Variants in NFATC4 observed in about 807,000 individuals in gnomAD.
The protein encoded by NFATC4 is nuclear factor of activated T-cells, cytoplasmic 4.
NFATC4 carries 25 observed loss-of-function variants against 73.4 expected under a neutral mutation model. That is an observed-to-expected ratio of 0.34 (90% CI 0.25 to 0.48). The LOEUF (loss-of-function observed/expected upper bound fraction) is 0.48, where lower values mean the gene tolerates loss of function less well. NFATC4 is among the 20% of genes least tolerant of loss of function. The probability of loss-of-function intolerance (pLI) is 0.99; values close to 1 mark genes in which losing one functional copy is unlikely to be tolerated. For missense variants in NFATC4, 1,130 were observed against 1,203.7 expected, an observed-to-expected ratio of 0.94 and a Z score of 0.91; for synonymous variants, 523 against 510.3, an observed-to-expected ratio of 1.02 and a Z score of -0.34.
Position 24,368,345 on chromosome 14 carries a change from G to A in NFATC4, c.5G>A (p.Gly2Glu). M[G>E]AASCEDEELE... The stretch of plus-strand genomic sequence containing the variant: ...CTGGGGGCTCCTGCCGGATCCATGG[G>A]GGCGGCCAGCTGCGAGGATGAGGAG... The change falls in exon 1 of 10, where the codon GGG becomes GAG. Residue 2 changes from glycine to glutamate, a missense_variant. By Grantham distance (98) the Gly-to-Glu change is moderately conservative. Transcript: ENST00000250373. 7.2e-7 allele frequency: 1 copy of A among 1,388,248 alleles called. No individual in the cohort carries two copies. Among genetic ancestry groups the A allele is most frequent in the Non-Finnish European group, 9.3e-7 (1 of 1,072,378 alleles). 86.0% of individuals were successfully genotyped at this position (1,388,248 alleles called of 1,614,324 possible).
Position 24,369,902 on chromosome 14 carries a change from C to T in NFATC4, c.504C>T (p.Ser168=). 1.2e-6 allele frequency: 2 copies of T among 1,612,250 alleles called. No individual in the cohort carries two copies. The highest frequency in any genetic ancestry group is 1.7e-6 in the Non-Finnish European group (2 of 1,179,642). ...GCCAGGGTGGGGGGGCCTTCTTCAG[C>T]CCAAGCCCTGGCAGCAGCAGCCTGT... is the stretch of plus-strand genomic sequence containing the variant. ...AGGQGGGAFF[S]PSPGSSSLSS... is the part of the protein sequence containing the mutation. The change falls in exon 2 of 10, where the codon AGC becomes AGT. Residue 168 remains serine (S), a synonymous_variant. Coordinates refer to ENST00000250373, the MANE Select transcript of NFATC4 (RefSeq NM_004554.5).
At position 24,373,726 on chromosome 14, in the gene NFATC4, A is replaced by G. The variant is rs1407667258; in HGVS notation, c.1591A>G (p.Asn531Asp). 9 of 1,612,622 alleles carry G rather than the reference A, an allele frequency of 5.6e-6. No homozygotes were observed. The highest frequency in any genetic ancestry group is 7.6e-6 in the Non-Finnish European group (9 of 1,178,850). Residue 531 changes from asparagine to aspartate, a missense_variant, in exon 5 of 10, where the codon AAT becomes GAT. Asn to Asp is a conservative substitution (Grantham distance 23). Coordinates refer to ENST00000250373, the MANE Select transcript of NFATC4 (RefSeq NM_004554.5). This position sits in a 1 kb window ranked among gnomAD's most constrained non-coding sequence, Gnocchi z 4.7. ...IDCAGILKLR[N>D]SDIELRKGET... ...CTGCGCGGGAATCCTGAAGCTTCGG[A>G]ATTCAGACATTGAGCTTCGGAAGGG...
chr14:24,367,894 G>A (rs879256364), upstream of NFATC4: 31 of 1,333,860 alleles, frequency 2.3e-5, no homozygotes, highest in Non-Finnish European at 3.0e-5. Context: ...CTGAGACTAG[G>A]GGAGGTGGGG....
At position 24,376,423 on chromosome 14, in the gene NFATC4, A is replaced by C. The variant is rs984131194; in HGVS notation, c.2186A>C (p.Asp729Ala). ...CCCTACCCCTCCTATCCCCATGAAG[A>C]CCCTGCTTGCGAAACTCCTTACCTA... ...RPPYPSYPHEDPACETPYLSE... is the reference protein window; with the variant it reads ...RPPYPSYPHEAPACETPYLSE... The change falls in exon 9 of 10, where the codon GAC becomes GCC. Residue 729 changes from aspartate to alanine, a missense_variant. Asp to Ala is a moderately radical substitution (Grantham distance 126, BLOSUM62 -2). Coordinates refer to ENST00000250373, the MANE Select transcript of NFATC4 (RefSeq NM_004554.5). The surrounding 1 kb of genome is among the most constrained non-coding windows in gnomAD (Gnocchi z 5.0). 4 of 1,613,166 alleles carry C rather than the reference A, an allele frequency of 2.5e-6. No homozygotes were observed. The highest frequency in any genetic ancestry group is 3.3e-4 in the Middle Eastern group (2 of 6,054).
upstream of NFATC4, chr14:24,368,118 A>G: frequency 8.6e-7 from 1 of 1,159,728 alleles, no homozygotes; most frequent in Non-Finnish European, 1.1e-6. Flanking sequence ...CCGGCAGCCA[A>G]TCAGGGACAG....
upstream of NFATC4, chr14:24,367,235 T>TG: frequency 6.4e-7 from 1 of 1,568,364 alleles, no homozygotes; most frequent in Non-Finnish European, 8.7e-7. Flanking sequence ...TCCAGCCTGT[T>TG]GGGGGCGGGG....
intron 6 of NFATC4, chr14:24,374,710 A>G (rs561720012): frequency 1.9e-5 from 8 of 423,090 alleles, no homozygotes; most frequent in Non-Finnish European, 3.4e-5. Flanking sequence ...AATAAAGAGG[A>G]GTCTGCTTTG....
In NFATC4 at chr14:24,376,557, T is replaced by G. The variant is rs1229341902; in HGVS notation, c.2320T>G (p.Cys774Gly). 1 of 1,614,024 alleles carries G rather than the reference T, an allele frequency of 6.2e-7. No individual in the cohort carries two copies. Among genetic ancestry groups the G allele is most frequent in the South Asian group, 1.1e-5 (1 of 91,078 alleles). The change falls in exon 9 of 10, where the codon TGT becomes GGT. Residue 774 changes from cysteine to glycine, a missense_variant. Coordinates refer to ENST00000250373, the MANE Select transcript of NFATC4 (RefSeq NM_004554.5). The surrounding 1 kb of genome is among the most constrained non-coding windows in gnomAD (Gnocchi z 5.0). ...CCCTGAGACTAGGGGTACCACAGGT[T>G]GTGCCCAACCACCTGCAGTTTCCTT... ...MFPETRGTTG[C>G]AQPPAVSFLP...
rs56111443 is a variant in NFATC4, at chr14:24,376,132, A to T, written c.2056+31A>T. The T allele has an allele frequency of 5.2e-4, 834 of 1,613,646 alleles. 9 individuals are homozygous for T. In the East Asian group the frequency reaches 0.017, roughly 33 times the overall value. ...CTCTGGGACAGCCCATGGTGGGGGT[A>T]TAGGGATATGGGGAGCTGGAGCAGG... On this transcript the variant is annotated intron_variant, in intron 8 of 9. Coordinates refer to ENST00000250373, the MANE Select transcript of NFATC4 (RefSeq NM_004554.5). The surrounding 1 kb of genome is among the most constrained non-coding windows in gnomAD (Gnocchi z 5.0).
intron 6 of NFATC4, among the ~76,000 whole-genome samples, chr14:24,374,973 TG>T (rs754278906): frequency 3.3e-5 from 5 of 152,080 alleles, no homozygotes; most frequent in Non-Finnish European, 7.4e-5. Flanking sequence ...CTTTTTTTTT[TG>T]GTAGCAGGAT....
intron 5 of NFATC4, chr14:24,374,084 G>A: frequency 1.2e-6 from 1 of 868,712 alleles, no homozygotes; most frequent in South Asian, 1.4e-5. Flanking sequence ...TATTCCTGGG[G>A]TGCCCTGTGC....
intron 7 of NFATC4, 44 bp downstream of exon 7, chr14:24,375,759 G>GGGCCCC: frequency 1.6e-6 from 1 of 617,010 alleles, no homozygotes; most frequent in Non-Finnish European, 3.0e-6. Flanking sequence ...GGGGGTGGGA[G>GGGCCCC]AAGGCAGGGG....
At chr14:24,374,056 G>A in intron 5 of NFATC4, 189 bp downstream of exon 5, 1 of 955,306 alleles carries the variant, frequency 1.0e-6, no homozygotes, top group African/African-American at 1.6e-5. Flanking sequence ...GTGGCCCAGA[G>A]TGACACTGGA....
rs1204121640 is a variant in NFATC4 at position 24,377,234 on chromosome 14, C to T, written c.2641+356C>T. On this transcript the variant is annotated intron_variant, in intron 9 of 9. Transcript: ENST00000250373. This position sits in a 1 kb window ranked among gnomAD's most constrained non-coding sequence, Gnocchi z 4.2. ...AGAGGGATGGTAGCTTGCTGAGGTC[C>T]CAGTCAAGCACACTTGCCATTGCCT... 2 of 1,251,040 alleles carry T rather than the reference C, an allele frequency of 1.6e-6. No homozygotes were observed. The highest frequency in any genetic ancestry group is 7.7e-5 in the Admixed American group (2 of 26,044). The allele number at this position is 1,251,040 out of a possible 1,614,324, so 77.5% of individuals were successfully genotyped here.
At position 24,377,257 on chromosome 14, in the gene NFATC4, C is replaced by T; in HGVS notation, c.2641+379C>T. 9 of 1,245,254 alleles carry T rather than the reference C, an allele frequency of 7.2e-6. No individual in the cohort carries two copies. Among genetic ancestry groups the T allele is most frequent in the Non-Finnish European group, 9.0e-6 (9 of 994,484 alleles). 77.1% of individuals were successfully genotyped at this position (1,245,254 alleles called of 1,614,324 possible). On this transcript the variant is annotated intron_variant, in intron 9 of 9. Transcript: ENST00000250373. The surrounding 1 kb of genome is among the most constrained non-coding windows in gnomAD (Gnocchi z 4.2). The stretch of plus-strand genomic sequence containing the variant: ...TCCCAGTCAAGCACACTTGCCATTG[C>T]CTCAGCTTTCCCCTAAACACGGTGT...
In NFATC4 at chr14:24,370,088, C is replaced by T; in HGVS notation, c.690C>T (p.Pro230=). ...ASPRPWTPED[P]WSLYGPSPGG... is the part of the protein sequence containing the mutation. Reference sequence around the variant, plus strand: ...CTCGGCCATGGACCCCCGAAGATCCCTGGAGCCTGTATGGTCCAAGCCCCG... The same window carrying T: ...CTCGGCCATGGACCCCCGAAGATCCTTGGAGCCTGTATGGTCCAAGCCCCG... Residue 230 remains proline (P), a synonymous_variant, in exon 2 of 10, where the codon CCC becomes CCT. Transcript: ENST00000250373. 1 of 1,604,974 alleles carries T rather than the reference C, an allele frequency of 6.2e-7. No individual in the cohort carries two copies. The highest frequency in any genetic ancestry group is 1.1e-5 in the South Asian group (1 of 91,054).
rs1364117151 is a variant in NFATC4, at chr14:24,372,558, C to T, written c.1314C>T (p.Ser438=). ...GGGCCCACTATGAGACAGAAGGCAG[C>T]CGTGGAGCTGTCAAAGCTGCCCCTG... ...HHRAHYETEG[S]RGAVKAAPGG... Residue 438 remains serine, a synonymous_variant, in exon 3 of 10, where the codon AGC becomes AGT. Transcript: ENST00000250373. 6.2e-7 allele frequency: 1 copy of T among 1,614,108 alleles called. No homozygotes were observed. Among genetic ancestry groups the T allele is most frequent in the Admixed American group, 1.7e-5 (1 of 60,022 alleles).
rs758154901 is a variant in NFATC4 at position 24,373,173 on chromosome 14, C to A, written c.1362C>A (p.Leu454=). Residue 454 remains leucine (L), a splice_region_variant and synonymous_variant, in exon 4 of 10, where the codon CTC becomes CTA. Coordinates refer to ENST00000250373, the MANE Select transcript of NFATC4 (RefSeq NM_004554.5). This position sits in a 1 kb window ranked among gnomAD's most constrained non-coding sequence, Gnocchi z 4.7. ...TGGCCGCTCTCTCCCTCTGCCAGCT[C>A]CTAGGCTACAGTGAGAAGCCACTGA... The part of the protein sequence containing the change: ...AAPGGHPVVK[L]LGYSEKPLTL... 11 of 1,613,858 alleles carry A rather than the reference C, an allele frequency of 6.8e-6. No individual in the cohort carries two copies. Among genetic ancestry groups the A allele is most frequent in the Non-Finnish European group, 9.3e-6 (11 of 1,179,886 alleles).
intron 1 of NFATC4, 120 bp downstream of exon 1, chr14:24,368,560 G>A: frequency 9.4e-7 from 1 of 1,059,250 alleles, no homozygotes; most frequent in East Asian, 3.5e-5. Flanking sequence ...AGGTCGAAGG[G>A]AGTCGGGGGG....
Sources: allele counts gnomAD v4.1 joint callset (sites outside exome capture counted in the v4.1 genomes callset), GRCh38; gene constraint gnomAD v4.1.1; non-coding constraint Gnocchi (gnomAD v3.1); transcripts MANE v1.5; gene names NCBI Gene and HGNC (gene_info 2026-07-23, HGNC 2026-07-21).